Variants in CEP83 observed in about 807,000 individuals in gnomAD.
CEP83 encodes the protein centrosomal protein of 83 kDa.
CEP83 carries 70 observed loss-of-function variants against 101.9 expected under a neutral mutation model. The ratio of observed to expected loss-of-function variants is 0.69; its 90% CI spans 0.57 to 0.84. The LOEUF (loss-of-function observed/expected upper bound fraction) is 0.84. Among genes scored for constraint, CEP83 ranks in the 40% least tolerant of loss-of-function variants. The pLI is 0.00. For synonymous variants in CEP83, 264 were observed against 267.9 expected (o/e 0.99, Z 0.14); for missense variants, 715 against 787.2 (o/e 0.91, Z 1.10).
downstream of CEP83, chr12:94,304,014 C>T (rs893249109): frequency 1.3e-5 from 21 of 1,582,906 alleles, 1 homozygote; most frequent in South Asian, 8.9e-5. Flanking sequence ...GTGGCCTTGA[C>T]AGAAATTTAC....
intron 12 of CEP83, 152 bp downstream of exon 12, chr12:94,335,437 C>T (rs2136538427): frequency 1.7e-6 from 1 of 571,836 alleles, no homozygotes; most frequent in South Asian, 2.2e-5. Flanking sequence ...CATTTTAAAA[C>T]ATTTTATCTT....
chr12:94,359,034 G>T (rs2136904074), intron 11 of CEP83, among the ~76,000 whole-genome samples: 1 of 152,390 alleles, frequency 6.6e-6, no homozygotes, highest in African/African-American at 2.4e-5. Flanking sequence ...GAGCATCTGT[G>T]TCTTAAGGGT....
At chr12:94,381,385 C>T (rs1566039507) in intron 6 of CEP83, among the ~76,000 whole-genome samples, 1 of 152,140 alleles carries the variant, frequency 6.6e-6, no homozygotes, top group African/African-American at 2.4e-5. Context: ...TCTACATTTA[C>T]TCTATTCTAT....
intron 5 of CEP83, chr12:94,402,361 C>T (rs1403581164): frequency 6.6e-6 from 1 of 151,726 alleles, no homozygotes; most frequent in African/African-American, 2.4e-5. Context: ...AGAAAATAAA[C>T]ACAATAAATA....
chr12:94,350,382 T>C (rs1170613306), intron 11 of CEP83, among the ~76,000 whole-genome samples: 1 of 152,150 alleles, frequency 6.6e-6, no homozygotes, highest in African/African-American at 2.4e-5. Flanking sequence ...GGTCATTCAA[T>C]GAAGAAAGGG....
the CEP83 span, among the ~76,000 whole-genome samples, chr12:94,276,008 T>G: frequency 6.6e-6 from 1 of 152,164 alleles, no homozygotes; most frequent in South Asian, 2.1e-4. Flanking sequence ...TTTCCACCCA[T>G]CCAGCTGTGG....
intron 2 of CEP83, among the ~76,000 whole-genome samples, chr12:94,418,803 T>C (rs2064489007): frequency 6.6e-6 from 1 of 152,202 alleles, no homozygotes; most frequent in African/African-American, 2.4e-5. Flanking sequence ...ATAGTTAATG[T>C]TATGCTATAT....
At chr12:94,361,244 T>C (rs2060739777) in intron 11 of CEP83, 1 of 152,248 alleles carries the variant, frequency 6.6e-6, no homozygotes, top group Non-Finnish European at 1.5e-5. Flanking sequence ...CACGTGCCTA[T>C]AGTCTCAGCT....
At chr12:94,412,850 G>A (rs1266670660) in intron 2 of CEP83, among the ~76,000 whole-genome samples, 5 of 150,194 alleles carry the variant, frequency 3.3e-5, no homozygotes, top group East Asian at 3.9e-4. Flanking sequence ...CACCATACCC[G>A]GCTAATTTTT....
intron 2 of CEP83, among the ~76,000 whole-genome samples, chr12:94,425,168 T>C (rs2065101954): frequency 6.6e-6 from 1 of 152,074 alleles, no homozygotes; most frequent in African/African-American, 2.4e-5. Flanking sequence ...TCAACTTTTA[T>C]GTAATAAATT....
downstream of CEP83, chr12:94,305,317 T>A (rs1470633700): frequency 8.7e-6 from 12 of 1,376,422 alleles, no homozygotes; most frequent in African/African-American, 1.5e-5. Flanking sequence ...TCTGGCAAAG[T>A]TCTTCAGACG....
At chr12:94,442,522 T>C (rs1173640976) in intron 1 of CEP83, among the ~76,000 whole-genome samples, 2 of 84,144 alleles carry the variant, frequency 2.4e-5, no homozygotes, top group Non-Finnish European at 5.9e-5. Flanking sequence ...GAAATAATGA[T>C]TTTTTTTTTA....
intron 11 of CEP83, among the ~76,000 whole-genome samples, chr12:94,347,673 AAAG>A (rs981841828): frequency 2.4e-4 from 37 of 152,234 alleles, no homozygotes; most frequent in African/African-American, 8.4e-4. Context: ...TTGTCCAACA[AAAG>A]AATAAATAAA....
chr12:94,357,950 C>G (rs888827719), intron 11 of CEP83, among the ~76,000 whole-genome samples: 13 of 152,284 alleles, frequency 8.5e-5, no homozygotes, highest in Admixed American at 2.0e-4. Context: ...CAAGGCAAAG[C>G]AGCTTACTGG....
chr12:94,373,149 T>C (rs1007678084), intron 8 of CEP83, among the ~76,000 whole-genome samples: 1 of 152,230 alleles, frequency 6.6e-6, no homozygotes. Context: ...AAAATGCTCA[T>C]GTTAAAATGT....
chr12:94,409,602 T>C (rs149538453), intron 4 of CEP83, among the ~76,000 whole-genome samples: 2 of 152,308 alleles, frequency 1.3e-5, no homozygotes, highest in East Asian at 1.9e-4. Context: ...CTTTGGACAG[T>C]GTATTCGTTT....
chr12:94,436,332 A>T (rs868661167), intron 1 of CEP83, among the ~76,000 whole-genome samples: 11 of 152,048 alleles, frequency 7.2e-5, no homozygotes, highest in East Asian at 1.9e-4. Context: ...AAATAAAAAA[A>T]AAAATAAAAA....
the CEP83 span, chr12:94,279,759 A>C: frequency 1.0e-6 from 1 of 961,878 alleles, no homozygotes. Context: ...ATTCAGTGAC[A>C]CTTACACAGC....
the CEP83 span, among the ~76,000 whole-genome samples, chr12:94,272,672 A>G: frequency 2.5e-3 from 379 of 152,318 alleles, 3 homozygotes; most frequent in African/African-American, 8.9e-3. Flanking sequence ...TTGGAGGCCA[A>G]GGTGGGAGGA....
Sources: allele counts gnomAD v4.1 joint callset (sites outside exome capture counted in the v4.1 genomes callset), GRCh38; gene constraint gnomAD v4.1.1; transcripts MANE v1.5; gene names NCBI Gene and HGNC (gene_info 2026-07-23, HGNC 2026-07-21).